The following ATF7IP variants were observed in gnomAD, a reference collection of about 807,000 sequenced individuals.
ATF7IP encodes activating transcription factor 7 interacting protein.
In ATF7IP, 23 loss-of-function variants were observed where a neutral mutation model predicts 106.4. The ratio of observed to expected loss-of-function variants is 0.22; its 90% CI spans 0.16 to 0.31. ATF7IP has a LOEUF of 0.31. Ranked by LOEUF, ATF7IP falls within the 10% of genes least tolerant of loss-of-function variation. The probability of loss-of-function intolerance (pLI) is 1.00; values close to 1 mark genes in which losing one functional copy is unlikely to be tolerated. For synonymous variants in ATF7IP, 542 were observed against 539.0 expected (o/e 1.01, Z -0.08); for missense variants, 1,334 against 1,524.3 (o/e 0.88, Z 2.08).
At chr12:14,366,069 C>G (rs1019555342) in intron 1 of ATF7IP, among the ~76,000 whole-genome samples, 2 of 152,320 alleles carry the variant, frequency 1.3e-5, no homozygotes, top group African/African-American at 4.8e-5. Flanking sequence ...ATCTAATGTT[C>G]TTGTTGGACG....
At chr12:14,483,033 T>C (rs1331397605) in intron 13 of ATF7IP, among the ~76,000 whole-genome samples, 1 of 152,172 alleles carries the variant, frequency 6.6e-6, no homozygotes, top group East Asian at 1.9e-4. Context: ...CACAAACATG[T>C]TTTTAGCAAA....
In ATF7IP at chr12:14,478,475, A is replaced by T; in HGVS notation, c.3097+3A>T. 1 of 1,613,810 alleles carries T rather than the reference A, an allele frequency of 6.2e-7. No individual in the cohort carries two copies. Among genetic ancestry groups the T allele is most frequent in the Admixed American group, 1.7e-5 (1 of 60,002 alleles). On this transcript the variant is annotated splice_donor_region_variant and intron_variant, in intron 12 of 14. Transcript: ENST00000261168. ...CACCATACACTTACTACCTACAGGT[A>T]AATTTGTTGAATCATTGAGTAGAAG...
chr12:14,394,232 A>G (rs868025979), intron 1 of ATF7IP, among the ~76,000 whole-genome samples: 1 of 152,320 alleles, frequency 6.6e-6, no homozygotes, highest in Middle Eastern at 3.4e-3. Flanking sequence ...TGAGGATAAC[A>G]TTAGGTAATG....
intron 1 of ATF7IP, chr12:14,385,346 G>C: frequency 6.5e-6 from 10 of 1,529,614 alleles, no homozygotes; most frequent in Non-Finnish European, 8.7e-6. Flanking sequence ...CTTTGTAGCT[G>C]CTTAGGCAGC....
At chr12:14,435,117 C>G (rs537317198) in intron 3 of ATF7IP, among the ~76,000 whole-genome samples, 19 of 144,334 alleles carry the variant, frequency 1.3e-4, no homozygotes, top group Admixed American at 1.3e-3. Flanking sequence ...GGGAGGGAGA[C>G]AGGAAGGAAG....
intron 13 of ATF7IP, among the ~76,000 whole-genome samples, chr12:14,488,819 A>G (rs1944713325): frequency 6.6e-6 from 1 of 152,196 alleles, no homozygotes; most frequent in African/African-American, 2.4e-5. Context: ...AAAGTTAACA[A>G]TACTTAAATG....
rs573651807 is a variant in ATF7IP, at chr12:14,478,699, CATT to C, written c.3097+230_3097+232del. ...GAAAAGTATATATTTATTTACTTAA[CATT>C]ATATAAATAAAAGTGGAGGTAATTT... On this transcript the variant is annotated intron_variant, in intron 12 of 14. Coordinates refer to ENST00000261168, the MANE Select transcript of ATF7IP (RefSeq NM_018179.5). Among the ~76,000 whole-genome samples, 29 of 152,228 alleles carry C rather than the reference CATT, an allele frequency of 1.9e-4. No individual in the cohort carries two copies. In the South Asian group the frequency reaches 3.5e-3, roughly 18 times the overall value.
chr12:14,392,543 C>T (rs1026283155), intron 1 of ATF7IP, among the ~76,000 whole-genome samples: 1 of 152,138 alleles, frequency 6.6e-6, no homozygotes, highest in Non-Finnish European at 1.5e-5. Flanking sequence ...TATTATTTGC[C>T]AGGTACTGTT....
At chr12:14,368,668 G>GA (rs1252345364) in intron 1 of ATF7IP, among the ~76,000 whole-genome samples, 1 of 152,102 alleles carries the variant, frequency 6.6e-6, no homozygotes, top group East Asian at 1.9e-4. Flanking sequence ...TTAGATGGGT[G>GA]AAAAATAGTA....
chr12:14,392,670 T>C (rs1939624300), intron 1 of ATF7IP, among the ~76,000 whole-genome samples: 1 of 152,160 alleles, frequency 6.6e-6, no homozygotes, highest in South Asian at 2.1e-4. Context: ...GGATTGTGAA[T>C]GCTGTGGGGT....
chr12:14,448,945 T>A lies in ATF7IP; in HGVS notation c.1995+1892T>A, dbSNP rs368826623. On this transcript the variant is annotated intron_variant, in intron 6 of 14. Coordinates refer to ENST00000261168, the MANE Select transcript of ATF7IP (RefSeq NM_018179.5). ...CATATGCTTGTTGGCCATTTATGTA[T>A]CTCCTTTGGAGAAAAGTCTCTTCGG... Among the ~76,000 whole-genome samples the A allele has an allele frequency of 3.3e-5, 5 of 152,204 alleles. No individual in the cohort carries two copies. In the East Asian group the frequency reaches 7.7e-4, roughly 23 times the overall value.
At chr12:14,385,802 T>C (rs1200703666) in intron 1 of ATF7IP, among the ~76,000 whole-genome samples, 1 of 152,226 alleles carries the variant, frequency 6.6e-6, no homozygotes, top group African/African-American at 2.4e-5. Context: ...AAGACTACAA[T>C]TTTTCTACGG....
intron 2 of ATF7IP, among the ~76,000 whole-genome samples, chr12:14,426,845 AAAAAAG>A (rs1395477030): frequency 2.7e-5 from 4 of 146,716 alleles, no homozygotes; most frequent in Non-Finnish European, 4.5e-5. Flanking sequence ...AAAAAAAAAA[AAAAAAG>A]GATGGCTTTT....
chr12:14,371,747 A>T (rs1005731299), intron 1 of ATF7IP, among the ~76,000 whole-genome samples: 4 of 152,126 alleles, frequency 2.6e-5, no homozygotes, highest in African/African-American at 9.7e-5. Flanking sequence ...TGAATCAGAG[A>T]ATATTGTTAT....
chr12:14,457,118 C>G (rs916564674), intron 7 of ATF7IP, 89 bp from the exon 8 acceptor site: 2 of 1,121,626 alleles, frequency 1.8e-6, no homozygotes, highest in Non-Finnish European at 1.3e-6. Flanking sequence ...ACCCTTTTTC[C>G]CCTGTGGGCC....
intron 10 of ATF7IP, among the ~76,000 whole-genome samples, chr12:14,472,067 A>G (rs1419577182): frequency 6.6e-6 from 1 of 152,190 alleles, no homozygotes; most frequent in Admixed American, 6.5e-5. Context: ...TTTATTTTTT[A>G]AAGCCAAAGT....
intron 5 of ATF7IP, 54 bp from the exon 6 acceptor site, chr12:14,446,932 TAA>T: frequency 7.9e-7 from 1 of 1,272,724 alleles, no homozygotes; most frequent in Non-Finnish European, 1.1e-6. Flanking sequence ...TTTTTTTTTT[TAA>T]TGCTGTAATA....
intron 10 of ATF7IP, among the ~76,000 whole-genome samples, chr12:14,468,000 C>T (rs951739716): frequency 6.6e-6 from 1 of 152,042 alleles, no homozygotes; most frequent in Admixed American, 6.5e-5. Flanking sequence ...GGCATGGTGT[C>T]TCACACCTAT....
chr12:14,452,437 T>G (rs1017000496), intron 6 of ATF7IP, among the ~76,000 whole-genome samples: 2 of 152,174 alleles, frequency 1.3e-5, no homozygotes, highest in African/African-American at 4.8e-5. Context: ...TTGTGTTTCA[T>G]TGCTTTTTGT....
Sources: gnomAD v4.1 joint callset for allele counts (sites outside exome capture counted in the v4.1 genomes callset) on GRCh38, gnomAD v4.1.1 for gene constraint, MANE v1.5 for transcripts, NCBI Gene and HGNC (gene_info 2026-07-23, HGNC 2026-07-21) for gene names.